WDR5: variants seen among roughly 807,000 people sequenced by gnomAD.
The protein encoded by WDR5 is WD repeat domain 5, also known as WD repeat-containing protein 5.
For synonymous variants in WDR5, 144 were observed against 161.6 expected, an observed-to-expected ratio of 0.89 and a Z score of 0.83; for missense variants, 187 against 416.9, an observed-to-expected ratio of 0.45 and a Z score of 4.80.
Position 134,158,688 on chromosome 9 carries a change from G to C in WDR5, c.*695G>C, listed in dbSNP as rs1053833170. 1 of 152,296 alleles carries C rather than the reference G, an allele frequency of 6.6e-6. No individual in the cohort carries two copies. The highest frequency in any genetic ancestry group is 2.4e-5 in the African/African-American group (1 of 41,454). The allele number at this position is 152,296 out of a possible 1,614,324, so 9.4% of individuals were successfully genotyped here. A position where few individuals can be genotyped will look rare whatever the true frequency, so the allele number is the denominator to read the frequency against. Reference sequence around the variant, plus strand: ...AATAAAAGGTGGGGTTTTGTGAATGGTTGTGGCAAGTGCGTCCTTGTGAAG... The same window carrying C: ...AATAAAAGGTGGGGTTTTGTGAATGCTTGTGGCAAGTGCGTCCTTGTGAAG... On this transcript the variant is annotated 3_prime_UTR_variant, in exon 14 of 14. Coordinates refer to ENST00000358625, the MANE Select transcript of WDR5 (RefSeq NM_017588.3).
chr9:134,136,364 G>T (rs1209745975), intron 1 of WDR5, among the ~76,000 whole-genome samples, 164 bp downstream of exon 1: 2 of 150,398 alleles, frequency 1.3e-5, no homozygotes, highest in African/African-American at 4.9e-5. Flanking sequence ...CGGGACCCCC[G>T]CCCCGGCCCC....
intron 7 of WDR5, among the ~76,000 whole-genome samples, chr9:134,144,701 G>A (rs1054728558): frequency 2.0e-5 from 3 of 152,022 alleles, no homozygotes; most frequent in African/African-American, 7.3e-5. Flanking sequence ...TTAGCCGGGC[G>A]TAGTGATGCG....
chr9:134,155,648 A>AG, intron 11 of WDR5, 45 bp from the exon 12 acceptor site: 1 of 1,586,596 alleles, frequency 6.3e-7, no homozygotes, highest in Non-Finnish European at 8.6e-7. Flanking sequence ...CACAAAATCA[A>AG]GGGGAACCAT....
rs867649941 is a variant in WDR5, at chr9:134,140,640, C to T, written c.82-63C>T. The T allele has an allele frequency of 2.8e-6, 4 of 1,417,416 alleles. No individual in the cohort carries two copies. In the African/African-American group the frequency reaches 5.7e-5, roughly 20 times the overall value. 87.8% of individuals were successfully genotyped at this position (1,417,416 alleles called of 1,614,324 possible). ...AAATTAAATGGTGGGAGTCAAAATCCAAACTGGTCACGGGTGGAACGTACA... is the reference window on the plus strand; with the variant it reads ...AAATTAAATGGTGGGAGTCAAAATCTAAACTGGTCACGGGTGGAACGTACA... On this transcript the variant is annotated intron_variant, in intron 2 of 13. Coordinates refer to ENST00000358625, the MANE Select transcript of WDR5 (RefSeq NM_017588.3).
chr9:134,140,564 T>C (rs1315182765), intron 2 of WDR5, 139 bp from the exon 3 acceptor site: 7 of 745,836 alleles, frequency 9.4e-6, no homozygotes, highest in East Asian at 7.4e-5. Context: ...CACATAGAGA[T>C]TGGTGGAAGG....
chr9:134,148,987 G>A (rs891268741), intron 8 of WDR5, among the ~76,000 whole-genome samples: 6 of 152,116 alleles, frequency 3.9e-5, no homozygotes, highest in Admixed American at 6.5e-5. Flanking sequence ...GATGTGGGGC[G>A]GACACATCAT....
At chr9:134,136,880 A>G (rs1831590188) in intron 1 of WDR5, among the ~76,000 whole-genome samples, 1 of 152,006 alleles carries the variant, frequency 6.6e-6, no homozygotes, top group Non-Finnish European at 1.5e-5. Flanking sequence ...CGGTCCGTTT[A>G]CCCATCTCCT....
intron 1 of WDR5, among the ~76,000 whole-genome samples, chr9:134,137,402 G>A (rs1459812757): frequency 1.3e-5 from 2 of 152,064 alleles, no homozygotes; most frequent in Non-Finnish European, 2.9e-5. Flanking sequence ...CCAAGCCTTG[G>A]CCCGGCGCGG....
intron 7 of WDR5, among the ~76,000 whole-genome samples, chr9:134,143,737 G>A (rs573595553): frequency 2.3e-3 from 347 of 151,390 alleles, no homozygotes; most frequent in African/African-American, 8.1e-3. Context: ...CCGTGGTTTC[G>A]ATCTCCTGAG....
At chr9:134,137,793 G>A (rs1329224283) in intron 1 of WDR5, among the ~76,000 whole-genome samples, 1 of 152,056 alleles carries the variant, frequency 6.6e-6, no homozygotes, top group Non-Finnish European at 1.5e-5. Flanking sequence ...TCACTGTTTG[G>A]CCCAGGCTGG....
At chr9:134,154,795 G>C (rs1272700718) in intron 10 of WDR5, among the ~76,000 whole-genome samples, 1 of 152,240 alleles carries the variant, frequency 6.6e-6, no homozygotes. Context: ...ACTGTGGCCA[G>C]GGCAGGCCTA....
Position 134,140,756 on chromosome 9 carries a change from C to T in WDR5, c.135C>T (p.Thr45=). 6.2e-7 allele frequency: 1 copy of T among 1,614,162 alleles called. No homozygotes were observed. Among genetic ancestry groups the T allele is most frequent in the Non-Finnish European group, 8.5e-7 (1 of 1,180,036 alleles). The change falls in exon 3 of 14, where the codon ACC becomes ACT. Residue 45 remains threonine, a synonymous_variant. Coordinates refer to ENST00000358625, the MANE Select transcript of WDR5 (RefSeq NM_017588.3). ...YALKFTLAGH[T]KAVSSVKFSP... ...TAAAGTTCACCCTTGCTGGCCACAC[C>T]AAAGCAGTGTCCTCCGTGAAATTCA...
chr9:134,158,328 T>G lies in WDR5; in HGVS notation c.*335T>G. 4.9e-6 allele frequency: 1 copy of G among 204,662 alleles called. No individual in the cohort carries two copies. The highest frequency in any genetic ancestry group is 8.5e-5 in the South Asian group (1 of 11,708). The allele number at this position is 204,662 out of a possible 1,614,324, so 12.7% of individuals were successfully genotyped here. A position where few individuals can be genotyped will look rare whatever the true frequency, so the allele number is the denominator to read the frequency against. ...TGCGTTGTGTTTTTTCAGTAAACGTTCTGTATCTTTTTGATATTCCATGAC... is the reference window on the plus strand; with the variant it reads ...TGCGTTGTGTTTTTTCAGTAAACGTGCTGTATCTTTTTGATATTCCATGAC... On this transcript the variant is annotated 3_prime_UTR_variant, in exon 14 of 14. Coordinates refer to ENST00000358625, the MANE Select transcript of WDR5 (RefSeq NM_017588.3).
intron 2 of WDR5, 32 bp downstream of exon 2, chr9:134,139,990 C>CG: frequency 6.2e-7 from 1 of 1,611,516 alleles, no homozygotes. Flanking sequence ...GGACACCTTC[C>CG]GGGGGCAAAT....
Position 134,155,774 on chromosome 9 carries a change from C to T in WDR5, c.816+7C>T, listed in dbSNP as rs377502294. ...CTCTGTTACTGGTGGGAAGGTGAGT[C>T]TCATAACCTTGAAGCGTCTCACCTG... is the stretch of plus-strand genomic sequence containing the variant. On this transcript the variant is annotated splice_region_variant and intron_variant, in intron 12 of 13. Coordinates refer to ENST00000358625, the MANE Select transcript of WDR5 (RefSeq NM_017588.3). The T allele has an allele frequency of 6.2e-7, 1 of 1,613,602 alleles. No homozygotes were observed. The highest frequency in any genetic ancestry group is 8.5e-7 in the Non-Finnish European group (1 of 1,179,622).
intron 7 of WDR5, among the ~76,000 whole-genome samples, chr9:134,143,291 A>G (rs1831994437): frequency 6.6e-6 from 1 of 152,194 alleles, no homozygotes; most frequent in Non-Finnish European, 1.5e-5. Context: ...CTGCAATCCC[A>G]GCACTTTGGG....
At chr9:134,154,380 C>T (rs900154403) in intron 9 of WDR5, 86 bp from the exon 10 acceptor site, 39 of 1,380,942 alleles carry the variant, frequency 2.8e-5, no homozygotes, top group African/African-American at 4.3e-5. Context: ...AGATGTCGCA[C>T]GTGGGGGATG....
At chr9:134,144,992 T>G (rs913105061) in intron 7 of WDR5, among the ~76,000 whole-genome samples, 1 of 152,006 alleles carries the variant, frequency 6.6e-6, no homozygotes, top group African/African-American at 2.4e-5. Flanking sequence ...ACTCCTGTCC[T>G]TTAAATAACT....
In WDR5 at chr9:134,142,734, C is replaced by T; in HGVS notation, c.528+15C>T. 1 of 1,613,616 alleles carries T rather than the reference C, an allele frequency of 6.2e-7. No individual in the cohort carries two copies. The highest frequency in any genetic ancestry group is 1.1e-5 in the South Asian group (1 of 91,072). On this transcript the variant is annotated intron_variant, in intron 7 of 13. Coordinates refer to ENST00000358625, the MANE Select transcript of WDR5 (RefSeq NM_017588.3). ...CAGTCTCGGCCGTAAGTCCCTCTGACACGGATGGGGTGGTGTCCAGCACTA... is the reference window on the plus strand; with the variant it reads ...CAGTCTCGGCCGTAAGTCCCTCTGATACGGATGGGGTGGTGTCCAGCACTA...
Sources: allele counts gnomAD v4.1 joint callset (sites outside exome capture counted in the v4.1 genomes callset), GRCh38; gene constraint gnomAD v4.1.1; transcripts MANE v1.5; gene names NCBI Gene and HGNC (gene_info 2026-07-23, HGNC 2026-07-21).